Variants in GPN1 observed in about 807,000 individuals in gnomAD.
The protein encoded by GPN1 is GPN-loop GTPase 1.
A neutral mutation model predicts 55.9 loss-of-function variants in GPN1; 44 were observed. The ratio of observed to expected loss-of-function variants is 0.79; its 90% CI spans 0.62 to 1.01. GPN1 has a LOEUF of 1.01. Ranked by LOEUF, GPN1 falls within the 50% of genes least tolerant of loss-of-function variation. The probability of loss-of-function intolerance (pLI) is 0.00; values close to 1 mark genes in which losing one functional copy is unlikely to be tolerated. For synonymous variants in GPN1, 179 were observed against 162.5 expected (o/e 1.10, Z -0.77); for missense variants, 466 against 462.8 (o/e 1.01, Z -0.06).
At chr2:27,639,223 T>A (rs992514458) in intron 9 of GPN1, among the ~76,000 whole-genome samples, 192 bp downstream of exon 9, 1 of 152,214 alleles carries the variant, frequency 6.6e-6, no homozygotes, top group Non-Finnish European at 1.5e-5. Flanking sequence ...GTTTATAGTC[T>A]ATTTGGGAGA....
At chr2:27,629,204 CA>C in intron 1 of GPN1, 35 bp downstream of exon 1, 2 of 1,604,100 alleles carry the variant, frequency 1.2e-6, no homozygotes, top group Non-Finnish European at 1.7e-6. Context: ...TAGGGGAGCG[CA>C]AAAGGTTGCC....
At chr2:27,633,993 C>T (rs965132544) in intron 5 of GPN1, among the ~76,000 whole-genome samples, 4 of 152,082 alleles carry the variant, frequency 2.6e-5, no homozygotes, top group African/African-American at 9.7e-5. Context: ...CTAGTGACTA[C>T]CCCATTTTCC....
chr2:27,629,835 A>G, intron 1 of GPN1, 24 bp from the exon 2 acceptor site: 2 of 1,349,892 alleles, frequency 1.5e-6, no homozygotes, highest in Non-Finnish European at 2.1e-6. Context: ...GTCTCCTTCC[A>G]ACCCTCTCCC....
chr2:27,637,063 C>T (rs564944200), intron 7 of GPN1, among the ~76,000 whole-genome samples: 3 of 152,080 alleles, frequency 2.0e-5, no homozygotes, highest in East Asian at 1.9e-4. Context: ...AGAGACCAGC[C>T]GGGGCACCAT....
intron 7 of GPN1, among the ~76,000 whole-genome samples, chr2:27,637,729 C>G (rs1011395825): frequency 2.0e-5 from 3 of 152,134 alleles, no homozygotes; most frequent in African/African-American, 4.8e-5. Flanking sequence ...ATCTGAAATG[C>G]TCCAAAATGT....
intron 4 of GPN1, 45 bp from the exon 5 acceptor site, chr2:27,632,588 G>C (rs1558486073): frequency 7.2e-7 from 1 of 1,393,914 alleles, no homozygotes; most frequent in Non-Finnish European, 1.0e-6. Flanking sequence ...CTGTGATTTT[G>C]TGTTGAAATC....
At chr2:27,644,310 A>C (rs1674109376) in intron 12 of GPN1, among the ~76,000 whole-genome samples, 1 of 152,136 alleles carries the variant, frequency 6.6e-6, no homozygotes, top group African/African-American at 2.4e-5. Flanking sequence ...ATTAGTTTTA[A>C]TATCCATTGA....
At chr2:27,633,927 A>G (rs1268215046) in intron 5 of GPN1, among the ~76,000 whole-genome samples, 2 of 152,030 alleles carry the variant, frequency 1.3e-5, no homozygotes, top group East Asian at 3.9e-4. Context: ...TGTCATCCTG[A>G]AAAGAAACCC....
intron 2 of GPN1, among the ~76,000 whole-genome samples, 197 bp downstream of exon 2, chr2:27,630,149 C>T (rs758072414): frequency 7.2e-5 from 11 of 151,920 alleles, no homozygotes; most frequent in Non-Finnish European, 1.3e-4. Flanking sequence ...TAGCCAGGCA[C>T]GGTGGCAGGC....
chr2:27,650,302 A>G lies in GPN1; in HGVS notation c.*102A>G. ...TGAACTGGGGGCTCCCATAAGGGATAATTTTCCTCAGAGTAGCAAAGTTTC... is the reference window on the plus strand; with the variant it reads ...TGAACTGGGGGCTCCCATAAGGGATGATTTTCCTCAGAGTAGCAAAGTTTC... On this transcript the variant is annotated 3_prime_UTR_variant, in exon 14 of 14. Coordinates refer to ENST00000610189, the MANE Select transcript of GPN1 (RefSeq NM_007266.4). The G allele has an allele frequency of 3.2e-6, 2 of 629,448 alleles. No individual in the cohort carries two copies. The highest frequency in any genetic ancestry group is 3.8e-5 in the South Asian group (2 of 52,224). The allele number at this position is 629,448 out of a possible 1,614,324, so 39.0% of individuals were successfully genotyped here. A position where few individuals can be genotyped will look rare whatever the true frequency, so the allele number is the denominator to read the frequency against.
At chr2:27,646,996 G>C (rs1377697660) in intron 12 of GPN1, among the ~76,000 whole-genome samples, 1 of 152,248 alleles carries the variant, frequency 6.6e-6, no homozygotes, top group Non-Finnish European at 1.5e-5. Flanking sequence ...CAGCTAACCT[G>C]TTGAAGGTTG....
chr2:27,636,412 G>A (rs983258163), intron 7 of GPN1, among the ~76,000 whole-genome samples: 2 of 152,158 alleles, frequency 1.3e-5, no homozygotes, highest in Non-Finnish European at 2.9e-5. Context: ...TCCCTTTTTG[G>A]TGGATGCAAG....
chr2:27,631,224 C>T, intron 3 of GPN1, 158 bp downstream of exon 3: 1 of 611,704 alleles, frequency 1.6e-6, no homozygotes, highest in Non-Finnish European at 2.9e-6. Flanking sequence ...AATACTATTT[C>T]AGCTTGAGAT....
rs184783309 is a variant in GPN1 at position 27,629,733 on chromosome 2, A to G, written c.112-126A>G. Reference sequence around the variant, plus strand: ...TGAGAGTTGTATCTTGGAGGTGGACATGGTGGATATTTCAGGTAGAAGAAA... The same window carrying G: ...TGAGAGTTGTATCTTGGAGGTGGACGTGGTGGATATTTCAGGTAGAAGAAA... On this transcript the variant is annotated intron_variant, in intron 1 of 13. Coordinates refer to ENST00000610189, the MANE Select transcript of GPN1 (RefSeq NM_007266.4). The G allele has an allele frequency of 9.3e-4, 614 of 661,358 alleles. 2 individuals are homozygous for G. In the African/African-American group the frequency reaches 9.5e-3, roughly 10 times the overall value. The allele number at this position is 661,358 out of a possible 1,614,324, so 41.0% of individuals were successfully genotyped here.
In GPN1 at chr2:27,647,834, A is replaced by G; in HGVS notation, c.932-2A>G. The G allele has an allele frequency of 6.3e-7, 1 of 1,590,470 alleles. No individual in the cohort carries two copies. Among genetic ancestry groups the G allele is most frequent in the Non-Finnish European group, 8.6e-7 (1 of 1,158,504 alleles). On this transcript the variant is annotated splice_acceptor_variant, in intron 12 of 13. Transcript: ENST00000610189. LOFTEE classifies it high-confidence loss of function. Reference sequence around the variant, plus strand: ...TATCACTGATAGGTGTTTTCACTGTAGACAGCTTATCTCCTGTGCTGCACC... The same window carrying G: ...TATCACTGATAGGTGTTTTCACTGTGGACAGCTTATCTCCTGTGCTGCACC...
chr2:27,649,523 C>T (rs1674417762), intron 13 of GPN1, among the ~76,000 whole-genome samples: 1 of 151,946 alleles, frequency 6.6e-6, no homozygotes, highest in African/African-American at 2.4e-5. Flanking sequence ...CCTCATGCCC[C>T]TTTTTTTTCA....
At chr2:27,642,958 T>TACACACACACACACACACACAC (rs1553358324) in intron 12 of GPN1, among the ~76,000 whole-genome samples, 1 of 122,610 alleles carries the variant, frequency 8.2e-6, no homozygotes, top group Admixed American at 9.2e-5. Context: ...TATATATATA[T>TACACACACACACACACACACAC]ACACACACAC....
At chr2:27,639,764 A>C (rs1267588132) in intron 9 of GPN1, among the ~76,000 whole-genome samples, 3 of 151,828 alleles carry the variant, frequency 2.0e-5, no homozygotes. Context: ...CCTCAAGTGC[A>C]CCTCCTGCCT....
intron 2 of GPN1, among the ~76,000 whole-genome samples, chr2:27,630,565 A>T (rs977247456): frequency 6.6e-6 from 1 of 151,620 alleles, no homozygotes; most frequent in African/African-American, 2.4e-5. Context: ...AGGCCTCTCT[A>T]TGTTGCCCAG....
Sources: gnomAD v4.1 joint callset for allele counts (sites outside exome capture counted in the v4.1 genomes callset) on GRCh38, gnomAD v4.1.1 for gene constraint, MANE v1.5 for transcripts, NCBI Gene and HGNC (gene_info 2026-07-23, HGNC 2026-07-21) for gene names.